ATP8A2: variants seen among roughly 807,000 people sequenced by gnomAD.
The protein encoded by ATP8A2 is ATPase phospholipid transporting 8A2, also known as phospholipid-transporting ATPase IB.
ATP8A2 carries 100 observed loss-of-function variants against 165.6 expected under a neutral mutation model. That is an observed-to-expected ratio of 0.60 (90% CI 0.51 to 0.71). ATP8A2 has a LOEUF of 0.71. ATP8A2 is among the 30% of genes least tolerant of loss of function. The pLI is 0.00. For synonymous variants in ATP8A2, 543 were observed against 548.8 expected (o/e 0.99, Z 0.15); for missense variants, 1,227 against 1,479.5 (o/e 0.83, Z 2.80).
intron 33 of ATP8A2, among the ~76,000 whole-genome samples, chr13:25,951,323 C>T (rs1234524638): frequency 6.6e-6 from 1 of 152,194 alleles, no homozygotes; most frequent in African/African-American, 2.4e-5. Context: ...GAATGAATTA[C>T]AGATATGTGC....
At chr13:25,627,800 C>A (rs563981746) in intron 24 of ATP8A2, among the ~76,000 whole-genome samples, 1 of 152,288 alleles carries the variant, frequency 6.6e-6, no homozygotes, top group East Asian at 1.9e-4. Context: ...TTTGGTGAGG[C>A]CACTCTGGCT....
intron 24 of ATP8A2, among the ~76,000 whole-genome samples, chr13:25,688,526 A>G (rs2042654042): frequency 6.6e-6 from 1 of 152,238 alleles, no homozygotes; most frequent in Non-Finnish European, 1.5e-5. Flanking sequence ...GTTTATGTAT[A>G]ATAGAGTGCG....
intron 1 of ATP8A2, among the ~76,000 whole-genome samples, chr13:25,399,397 C>CTTT (rs71077467): frequency 0.022 from 1,633 of 73,956 alleles, 118 homozygotes; most frequent in Admixed American, 0.056. Context: ...AGTGGTTCTT[C>CTTT]TTTTTTTTTT....
intron 25 of ATP8A2, among the ~76,000 whole-genome samples, chr13:25,756,430 G>A (rs1402354298): frequency 1.3e-5 from 2 of 151,592 alleles, no homozygotes; most frequent in Non-Finnish European, 2.9e-5. Flanking sequence ...TGTTGGGAGC[G>A]GAAGCTGTGG....
intron 24 of ATP8A2, among the ~76,000 whole-genome samples, chr13:25,672,865 G>A (rs947072181): frequency 6.6e-6 from 1 of 152,136 alleles, no homozygotes; most frequent in Non-Finnish European, 1.5e-5. Flanking sequence ...GAAGAGACTG[G>A]GTCACAGAGG....
rs13313253 is a variant in ATP8A2 at position 25,608,032 on chromosome 13, G to T, written c.2211+18333G>T. ...AGAATCCTCAGAGTAGGACAAAGGA[G>T]AAACGGATTGAATTAGTCTATTTTG... On this transcript the variant is annotated intron_variant, in intron 24 of 36. Transcript: ENST00000381655. 3.6e-3 allele frequency among the ~76,000 whole-genome samples: 544 copies of T among 152,304 alleles called. 3 individuals carry two copies. Among genetic ancestry groups the T allele is most frequent in the Middle Eastern group, 0.017 (5 of 294 alleles).
At chr13:25,762,268 C>CAAAAAAAAA (rs59081934) in intron 25 of ATP8A2, among the ~76,000 whole-genome samples, 1,333 of 41,296 alleles carry the variant, frequency 0.032, 478 homozygotes, top group East Asian at 0.033. Flanking sequence ...GACTCTGTCT[C>CAAAAAAAAA]AAAAAAAAAA....
chr13:25,837,071 A>G (rs1382141876), intron 28 of ATP8A2, 92 bp from the exon 29 acceptor site: 2 of 1,505,184 alleles, frequency 1.3e-6, no homozygotes, highest in African/African-American at 2.8e-5. Context: ...TTTGGACTTG[A>G]CTGGAAGTGA....
At chr13:25,890,144 G>A (rs753335807) in intron 33 of ATP8A2, among the ~76,000 whole-genome samples, 42 of 152,032 alleles carry the variant, frequency 2.8e-4, no homozygotes, top group South Asian at 6.2e-4. Context: ...CCTGGGTGAC[G>A]GCGCGAGACT....
chr13:25,981,878 GA>G, intron 35 of ATP8A2, among the ~76,000 whole-genome samples: 1 of 152,144 alleles, frequency 6.6e-6, no homozygotes, highest in East Asian at 1.9e-4. Context: ...TTTAGTTTAG[GA>G]ACATAAAATG....
chr13:25,540,406 G>A lies in ATP8A2; in HGVS notation c.651+18G>A, dbSNP rs761384732. On this transcript the variant is annotated intron_variant, in intron 8 of 36. Transcript: ENST00000381655. ...TACGTCAGGTAAAGTCACCTCTGAT[G>A]ACTTGTGTTGTTATGGTAGACACAA... 6.4e-7 allele frequency: 1 copy of A among 1,574,556 alleles called. No homozygotes were observed.
At chr13:25,421,505 T>A (rs367614949) in intron 1 of ATP8A2, among the ~76,000 whole-genome samples, 113 of 152,304 alleles carry the variant, frequency 7.4e-4, no homozygotes, top group African/African-American at 2.6e-3. Flanking sequence ...TGGGTATTTT[T>A]AAAACTTTTT....
chr13:25,595,101 T>C (rs918184463), intron 24 of ATP8A2, among the ~76,000 whole-genome samples: 1 of 151,814 alleles, frequency 6.6e-6, no homozygotes, highest in Admixed American at 6.6e-5. Context: ...CCAAGGTTTC[T>C]AAGAAACAAG....
intron 1 of ATP8A2, among the ~76,000 whole-genome samples, chr13:25,382,823 TCAG>T (rs1351859634): frequency 6.6e-6 from 1 of 151,826 alleles, no homozygotes; most frequent in Non-Finnish European, 1.5e-5. Flanking sequence ...TGGCACGATC[TCAG>T]CTCACTGCAA....
At chr13:25,817,866 A>C (rs1951071445) in intron 27 of ATP8A2, among the ~76,000 whole-genome samples, 1 of 151,954 alleles carries the variant, frequency 6.6e-6, no homozygotes, top group African/African-American at 2.4e-5. Context: ...ATTTTTGTAG[A>C]GACAGGGTCT....
At chr13:25,677,740 C>T (rs897581970) in intron 24 of ATP8A2, among the ~76,000 whole-genome samples, 1 of 152,172 alleles carries the variant, frequency 6.6e-6, no homozygotes, top group African/African-American at 2.4e-5. Flanking sequence ...TCATGGTCTT[C>T]AGCCTGTGTT....
chr13:25,468,857 C>G, intron 1 of ATP8A2, 120 bp from the exon 2 acceptor site: 1 of 1,474,070 alleles, frequency 6.8e-7, no homozygotes, highest in Non-Finnish European at 9.0e-7. Context: ...AGGCGGCGTC[C>G]GCCTCACCCG....
At position 25,837,295 on chromosome 13, in the gene ATP8A2, G is replaced by C. The variant is rs1032446530; in HGVS notation, c.2877+10G>C. Reference sequence around the variant, plus strand: ...AGGCTTCAACACAAAGGTAAACAGAGTGTGATCTCAGAACTGTCACCTCAG... The same window carrying C: ...AGGCTTCAACACAAAGGTAAACAGACTGTGATCTCAGAACTGTCACCTCAG... On this transcript the variant is annotated intron_variant, in intron 29 of 36. Transcript: ENST00000381655. 1.9e-6 allele frequency: 3 copies of C among 1,613,722 alleles called. No homozygotes were observed. The East Asian group carries it at 6.7e-5, about 36-fold the overall frequency.
intron 24 of ATP8A2, among the ~76,000 whole-genome samples, chr13:25,603,748 G>T (rs1260376104): frequency 6.6e-6 from 1 of 152,122 alleles, no homozygotes; most frequent in Non-Finnish European, 1.5e-5. Context: ...GAGGGGTTTG[G>T]ATCTGAGCAA....
Sources: gnomAD v4.1 joint callset for allele counts (sites outside exome capture counted in the v4.1 genomes callset) on GRCh38, gnomAD v4.1.1 for gene constraint, MANE v1.5 for transcripts, NCBI Gene and HGNC (gene_info 2026-07-23, HGNC 2026-07-21) for gene names.